Variants in NBEA observed in about 807,000 individuals in gnomAD.
The protein encoded by NBEA is lysosomal-trafficking regulator 2.
Under a neutral mutation model 343.4 loss-of-function variants are expected in NBEA, and 44 were observed. That is an observed-to-expected ratio of 0.13 (90% CI 0.10 to 0.16). The LOEUF is 0.16. NBEA is among the 10% of genes least tolerant of loss of function. The pLI, the probability that NBEA is intolerant of heterozygous loss-of-function variation, is 1.00. For synonymous variants in NBEA, 1,175 were observed against 1,238.7 expected (o/e 0.95, Z 1.08); for missense variants, 2,555 against 3,631.3 (o/e 0.70, Z 7.62).
chr13:35,639,233 A>G (rs2044721516), intron 49 of NBEA, among the ~76,000 whole-genome samples: 1 of 152,170 alleles, frequency 6.6e-6, no homozygotes, highest in Non-Finnish European at 1.5e-5. Context: ...ATAAAATAGC[A>G]TTTTAATTTT....
At chr13:35,144,426 C>A (rs1273390976) in intron 18 of NBEA, among the ~76,000 whole-genome samples, 2 of 152,060 alleles carry the variant, frequency 1.3e-5, no homozygotes, top group African/African-American at 4.8e-5. Flanking sequence ...CTAGGTGAAC[C>A]TCCATCAAAT....
rs7358824 is a variant in NBEA at position 35,663,587 on chromosome 13, A to G, written c.8363-1498A>G. 3.9e-3 allele frequency among the ~76,000 whole-genome samples: 596 copies of G among 152,306 alleles called. 4 individuals carry two copies. The highest frequency in any genetic ancestry group is 0.014 in the African/African-American group (576 of 41,564). On this transcript the variant is annotated intron_variant, in intron 55 of 58. Transcript: ENST00000379939. ...TGCTGCAGTCAACACAGGGGTGCAG[A>G]TATCTCTGATTTGCTGATTTCCTTT...
chr13:35,662,942 A>G (rs569505075), intron 55 of NBEA, among the ~76,000 whole-genome samples: 1 of 152,304 alleles, frequency 6.6e-6, no homozygotes, highest in South Asian at 2.1e-4. Context: ...AGAAAAATTA[A>G]ACCTGATATT....
intron 49 of NBEA, among the ~76,000 whole-genome samples, chr13:35,641,058 C>T (rs2083924583): frequency 6.6e-6 from 1 of 151,792 alleles, no homozygotes; most frequent in South Asian, 2.1e-4. Flanking sequence ...ATTTTCATTT[C>T]TACTTTAACA....
chr13:35,431,341 A>C (rs968240036), intron 38 of NBEA, among the ~76,000 whole-genome samples: 1 of 152,132 alleles, frequency 6.6e-6, no homozygotes, highest in Non-Finnish European at 1.5e-5. Context: ...TTAGAATATT[A>C]TCTTTCGAGT....
intron 39 of NBEA, among the ~76,000 whole-genome samples, chr13:35,438,206 CAT>C (rs1032706936): frequency 2.0e-5 from 3 of 152,250 alleles, no homozygotes; most frequent in African/African-American, 7.2e-5. Flanking sequence ...CAAATGAGAA[CAT>C]TCTTATGTTC....
chr13:35,188,877 T>C (rs2071939424), intron 30 of NBEA, among the ~76,000 whole-genome samples: 1 of 151,692 alleles, frequency 6.6e-6, no homozygotes, highest in South Asian at 2.1e-4. Context: ...TTTCTTCACA[T>C]CTTCTCCAAC....
In NBEA at chr13:35,601,761, C is replaced by CA. The variant is rs869213180; in HGVS notation, c.7297-4641dup. Among the ~76,000 whole-genome samples, 94 of 114,912 alleles carry CA rather than the reference C, an allele frequency of 8.2e-4. 1 individual carries two copies. Among genetic ancestry groups the CA allele is most frequent in the African/African-American group, 3.3e-3 (89 of 27,276 alleles). 75.4% of individuals were successfully genotyped at this position (114,912 alleles called of 152,430 possible). ...TGGGTGGCAGAGCAGGACTCCATCG[C>CA]AAAAAAAAAAAAAAAAAAAAAAAAG... On this transcript the variant is annotated intron_variant, in intron 47 of 58. Transcript: ENST00000379939.
intron 38 of NBEA, among the ~76,000 whole-genome samples, chr13:35,410,545 A>C (rs1264868082): frequency 6.6e-6 from 1 of 152,094 alleles, no homozygotes; most frequent in Non-Finnish European, 1.5e-5. Context: ...CAAAAGGTTC[A>C]CAGAAAAATG....
At chr13:35,415,760 A>G (rs899753457) in intron 38 of NBEA, among the ~76,000 whole-genome samples, 1 of 152,048 alleles carries the variant, frequency 6.6e-6, no homozygotes, top group South Asian at 2.1e-4. Context: ...GTTTTTTCCA[A>G]TTCTGTGAAA....
intron 51 of NBEA, among the ~76,000 whole-genome samples, chr13:35,648,468 G>A (rs895440640): frequency 1.5e-4 from 23 of 151,776 alleles, no homozygotes; most frequent in Middle Eastern, 3.2e-3. Flanking sequence ...TTTTATTCCC[G>A]TGTTAGTTTT....
chr13:35,276,545 G>T (rs1594045072), intron 34 of NBEA, among the ~76,000 whole-genome samples: 1 of 152,098 alleles, frequency 6.6e-6, no homozygotes, highest in African/African-American at 2.4e-5. Context: ...GTCTACTCAT[G>T]ATAAACTACA....
At chr13:35,376,081 A>G (rs1407063650) in intron 38 of NBEA, among the ~76,000 whole-genome samples, 3 of 152,100 alleles carry the variant, frequency 2.0e-5, no homozygotes, top group Non-Finnish European at 2.9e-5. Context: ...CTTTTGGTCA[A>G]GAAGGCAATT....
In NBEA at chr13:34,977,488, T is replaced by A. The variant is rs563969471; in HGVS notation, c.294+34374T>A. On this transcript the variant is annotated intron_variant, in intron 1 of 58. Coordinates refer to ENST00000379939, the MANE Select transcript of NBEA (RefSeq NM_001385012.1). The stretch of plus-strand genomic sequence containing the variant: ...TGCACCCAGCTAATTTTTGTATTTT[T>A]AGTAGATACTGGGTTTCACCATGTT... 2.6e-4 allele frequency among the ~76,000 whole-genome samples: 39 copies of A among 151,970 alleles called. 1 individual carries two copies. The highest frequency in any genetic ancestry group is 1.9e-3 in the Admixed American group (29 of 15,262).
At chr13:35,180,426 A>C (rs1479167295) in intron 28 of NBEA, among the ~76,000 whole-genome samples, 2 of 151,820 alleles carry the variant, frequency 1.3e-5, no homozygotes, top group South Asian at 4.1e-4. Flanking sequence ...TCAAGGTTAC[A>C]TGCAGCTTGT....
intron 38 of NBEA, among the ~76,000 whole-genome samples, chr13:35,415,267 G>C (rs1415289233): frequency 6.6e-6 from 1 of 152,128 alleles, no homozygotes; most frequent in African/African-American, 2.4e-5. Flanking sequence ...TTTGGCTTTT[G>C]TTGCCATTGC....
intron 56 of NBEA, among the ~76,000 whole-genome samples, chr13:35,666,206 C>T (rs2085345916): frequency 6.6e-6 from 1 of 151,506 alleles, no homozygotes; most frequent in Non-Finnish European, 1.5e-5. Flanking sequence ...GTTTTTTAAT[C>T]GAGGTGATGA....
intron 38 of NBEA, among the ~76,000 whole-genome samples, chr13:35,409,377 A>T (rs2043454248): frequency 6.6e-6 from 1 of 152,070 alleles, no homozygotes; most frequent in African/African-American, 2.4e-5. Flanking sequence ...GAATCAGGAA[A>T]AATAACTGGT....
intron 48 of NBEA, among the ~76,000 whole-genome samples, chr13:35,609,494 G>A (rs2082412002): frequency 6.6e-6 from 1 of 152,102 alleles, no homozygotes; most frequent in African/African-American, 2.4e-5. Flanking sequence ...TGGGGAAGTG[G>A]GCTCTCATGT....
Sources: allele counts gnomAD v4.1 joint callset (sites outside exome capture counted in the v4.1 genomes callset), GRCh38; gene constraint gnomAD v4.1.1; transcripts MANE v1.5; gene names NCBI Gene and HGNC (gene_info 2026-07-23, HGNC 2026-07-21).